The following ZNF827 variants were observed in gnomAD, a reference collection of about 807,000 sequenced individuals.
The protein encoded by ZNF827 is zinc finger protein 827.
Under a neutral mutation model 102.4 loss-of-function variants are expected in ZNF827, and 13 were observed. The ratio of observed to expected loss-of-function variants is 0.13; its 90% confidence interval spans 0.08 to 0.20. ZNF827 has a LOEUF of 0.20. Among genes scored for constraint, ZNF827 ranks in the 10% least tolerant of loss-of-function variants. The pLI, the probability that ZNF827 is intolerant of heterozygous loss-of-function variation, is 1.00. For synonymous variants in ZNF827, 523 were observed against 536.2 expected (o/e 0.98, Z 0.34); for missense variants, 1,103 against 1,344.4 (o/e 0.82, Z 2.81).
At chr4:145,930,859 G>A (rs894128551) in intron 1 of ZNF827, among the ~76,000 whole-genome samples, 5 of 152,066 alleles carry the variant, frequency 3.3e-5, no homozygotes, top group Admixed American at 1.3e-4. Context: ...GTGTGCGCGC[G>A]CATGTGTGTA....
intron 1 of ZNF827, among the ~76,000 whole-genome samples, chr4:145,915,636 T>C (rs1168727462): frequency 6.6e-6 from 1 of 152,198 alleles, no homozygotes; most frequent in African/African-American, 2.4e-5. Flanking sequence ...ATTCCACCCT[T>C]GGCTCCAAAA....
chr4:145,786,859 T>C (rs1738936281), intron 8 of ZNF827, among the ~76,000 whole-genome samples: 1 of 152,212 alleles, frequency 6.6e-6, no homozygotes, highest in Admixed American at 6.5e-5. Context: ...CTTGCCAACA[T>C]CTACCGTTTT....
chr4:145,846,076 A>G, intron 6 of ZNF827, 63 bp from the exon 7 acceptor site: 1 of 1,531,386 alleles, frequency 6.5e-7, no homozygotes, highest in South Asian at 1.1e-5. Context: ...TGCATCTTTT[A>G]GCCTTAAGCA....
intron 4 of ZNF827, among the ~76,000 whole-genome samples, chr4:145,877,725 A>C (rs1001299446): frequency 3.3e-5 from 5 of 152,220 alleles, no homozygotes; most frequent in African/African-American, 1.2e-4. Flanking sequence ...CAAGAATTTT[A>C]AAATATATAA....
intron 1 of ZNF827, among the ~76,000 whole-genome samples, chr4:145,934,680 C>T (rs773323703): frequency 4.8e-4 from 73 of 152,204 alleles, no homozygotes; most frequent in Non-Finnish European, 8.2e-4. Context: ...TCCCTGGTGT[C>T]TGTGCTGTGT....
At chr4:145,822,658 T>A (rs1224497766) in intron 8 of ZNF827, among the ~76,000 whole-genome samples, 1 of 152,028 alleles carries the variant, frequency 6.6e-6, no homozygotes, top group African/African-American at 2.4e-5. Context: ...TGGCAGAAGT[T>A]TCCTGGCTGC....
At chr4:145,843,831 C>A (rs1030272399) in intron 7 of ZNF827, among the ~76,000 whole-genome samples, 1 of 152,114 alleles carries the variant, frequency 6.6e-6, no homozygotes, top group Non-Finnish European at 1.5e-5. Context: ...GTGAACCTTC[C>A]TGGGGGATGC....
At chr4:145,788,603 C>T (rs1254815947) in intron 8 of ZNF827, among the ~76,000 whole-genome samples, 1 of 152,134 alleles carries the variant, frequency 6.6e-6, no homozygotes, top group Non-Finnish European at 1.5e-5. Flanking sequence ...AATCACATCA[C>T]CAAGATCAGG....
intron 4 of ZNF827, among the ~76,000 whole-genome samples, chr4:145,884,831 G>C (rs1749969239): frequency 6.6e-6 from 1 of 151,952 alleles, no homozygotes; most frequent in Non-Finnish European, 1.5e-5. Flanking sequence ...TTCCCAAATG[G>C]ATCAGGGCAG....
intron 11 of ZNF827, among the ~76,000 whole-genome samples, chr4:145,769,448 A>G (rs1017343337): frequency 6.6e-6 from 1 of 152,232 alleles, no homozygotes; most frequent in African/African-American, 2.4e-5. Flanking sequence ...TAGAATTAAA[A>G]CATATTAATT....
chr4:145,900,998 C>G (rs1751362943), intron 2 of ZNF827, among the ~76,000 whole-genome samples: 1 of 152,142 alleles, frequency 6.6e-6, no homozygotes, highest in African/African-American at 2.4e-5. Context: ...CCCAGATACC[C>G]ATTTTCCTCG....
At chr4:145,906,455 T>G (rs1435975161) in intron 1 of ZNF827, among the ~76,000 whole-genome samples, 1 of 152,238 alleles carries the variant, frequency 6.6e-6, no homozygotes, top group African/African-American at 2.4e-5. Context: ...GAGATTCAAA[T>G]GCCTAAAGAA....
At position 145,937,973 on chromosome 4, in the gene ZNF827, C is replaced by A. The variant is rs556724701; in HGVS notation, c.43+392G>T. 2.7e-5 allele frequency among the ~76,000 whole-genome samples: 4 copies of A among 149,656 alleles called. No homozygotes were observed. The South Asian group carries it at 8.6e-4, about 32-fold the overall frequency. On this transcript the variant is annotated intron_variant, in intron 1 of 14. Transcript: ENST00000508784. ...TTTTTTTTTTAAGATTCCAACCTCTCCCACCTCCCCCCACCAAACCCCCGA... is the reference window on the plus strand; with the variant it reads ...TTTTTTTTTTAAGATTCCAACCTCTACCACCTCCCCCCACCAAACCCCCGA...
intron 8 of ZNF827, among the ~76,000 whole-genome samples, chr4:145,814,856 C>T (rs1462809787): frequency 6.6e-6 from 1 of 151,766 alleles, no homozygotes; most frequent in Non-Finnish European, 1.5e-5. Flanking sequence ...CAGAAGAATT[C>T]CTTGAACCTG....
intron 11 of ZNF827, among the ~76,000 whole-genome samples, chr4:145,772,937 A>G (rs1371389680): frequency 6.6e-6 from 1 of 152,206 alleles, no homozygotes; most frequent in East Asian, 1.9e-4. Flanking sequence ...TCCACTCACG[A>G]CAATTAAATG....
chr4:145,861,068 T>C (rs146952220), intron 5 of ZNF827, among the ~76,000 whole-genome samples: 71 of 152,304 alleles, frequency 4.7e-4, no homozygotes, highest in African/African-American at 1.5e-3. Flanking sequence ...ACAAGCTACT[T>C]AGCAATGAGG....
At position 145,765,748 on chromosome 4, in the gene ZNF827, A is replaced by G. The variant is rs1392121620; in HGVS notation, c.2861-10T>C. 2 of 1,612,250 alleles carry G rather than the reference A, an allele frequency of 1.2e-6. No individual in the cohort carries two copies. Among genetic ancestry groups the G allele is most frequent in the Admixed American group, 1.7e-5 (1 of 59,810 alleles). ...GTCTTCCTGTCTTCCCCTGAAAAAT[A>G]AGCAAATAACCCAGTCTGTTAATGA... On this transcript the variant is annotated splice_polypyrimidine_tract_variant and intron_variant, in intron 11 of 14. Transcript: ENST00000508784. This position sits in a 1 kb window ranked among gnomAD's most constrained non-coding sequence, Gnocchi z 4.7.
At position 145,765,836 on chromosome 4, in the gene ZNF827, C is replaced by T. The variant is rs577125962; in HGVS notation, c.2861-98G>A. ...GAGTTGAGTCTCATGGATGCATCAT[C>T]ATTCTGGGGGCACAGGCTCATGTCC... On this transcript the variant is annotated intron_variant, in intron 11 of 14. Coordinates refer to ENST00000508784, the MANE Select transcript of ZNF827 (RefSeq NM_001306215.2). This position sits in a 1 kb window ranked among gnomAD's most constrained non-coding sequence, Gnocchi z 4.7. The T allele has an allele frequency of 6.5e-5, 81 of 1,255,454 alleles. 1 individual carries two copies. In the East Asian group the frequency reaches 1.3e-3, roughly 20 times the overall value. The allele number at this position is 1,255,454 out of a possible 1,614,324, so 77.8% of individuals were successfully genotyped here.
intron 4 of ZNF827, among the ~76,000 whole-genome samples, chr4:145,881,689 G>A (rs1561035485): frequency 6.6e-6 from 1 of 152,060 alleles, no homozygotes; most frequent in Non-Finnish European, 1.5e-5. Flanking sequence ...CTGTCAGGAG[G>A]CCCCACAAGG....
Sources: allele counts gnomAD v4.1 joint callset (sites outside exome capture counted in the v4.1 genomes callset), GRCh38; gene constraint gnomAD v4.1.1; non-coding constraint Gnocchi (gnomAD v3.1); transcripts MANE v1.5; gene names NCBI Gene and HGNC (gene_info 2026-07-23, HGNC 2026-07-21).